The following ROBO2 variants were observed in gnomAD, a reference collection of about 807,000 sequenced individuals.
ROBO2 encodes roundabout guidance receptor 2.
ROBO2 carries 53 observed loss-of-function variants against 160.8 expected under a neutral mutation model. The ratio of observed to expected loss-of-function variants is 0.33; its 90% CI spans 0.26 to 0.41. The LOEUF (loss-of-function observed/expected upper bound fraction) is 0.41. Among genes scored for constraint, ROBO2 ranks in the 10% least tolerant of loss-of-function variants. The pLI, the probability that ROBO2 is intolerant of heterozygous loss-of-function variation, is 1.00. For synonymous variants in ROBO2, 664 were observed against 611.7 expected (o/e 1.09, Z -1.26); for missense variants, 1,577 against 1,722.4 (o/e 0.92, Z 1.49).
intron 2 of ROBO2, among the ~76,000 whole-genome samples, chr3:76,321,381 G>A (rs2072511563): frequency 6.6e-6 from 1 of 151,970 alleles, no homozygotes; most frequent in African/African-American, 2.4e-5. Context: ...TGGGCGTGGT[G>A]GCGCGCCACT....
intron 2 of ROBO2, among the ~76,000 whole-genome samples, chr3:77,257,109 G>C (rs2058469154): frequency 6.6e-6 from 1 of 152,102 alleles, no homozygotes; most frequent in African/African-American, 2.4e-5. Flanking sequence ...CAATAATTAA[G>C]AGCTATCAAA....
chr3:76,603,015 T>A (rs11923507), intron 2 of ROBO2, among the ~76,000 whole-genome samples: 9,966 of 152,000 alleles, frequency 0.066, 1,034 homozygotes, highest in African/African-American at 0.22. Flanking sequence ...CCACAAATCG[T>A]CTGAAAATCA....
intron 2 of ROBO2, among the ~76,000 whole-genome samples, chr3:77,431,529 G>A (rs575201816): frequency 3.3e-5 from 5 of 152,198 alleles, no homozygotes; most frequent in African/African-American, 9.6e-5. Flanking sequence ...TCAGCTTTTA[G>A]TGATGACCCT....
chr3:77,086,093 A>C (rs1366886922), intron 1 of ROBO2, among the ~76,000 whole-genome samples: 1 of 152,116 alleles, frequency 6.6e-6, no homozygotes, highest in African/African-American at 2.4e-5. Context: ...TTTCAGTAAA[A>C]TAGTTTAGAG....
intron 2 of ROBO2, among the ~76,000 whole-genome samples, chr3:76,139,212 C>T (rs569311920): frequency 6.6e-6 from 1 of 152,152 alleles, no homozygotes; most frequent in Admixed American, 6.6e-5. Flanking sequence ...TTTAGTATGA[C>T]TTCTTATGCT....
chr3:76,737,969 C>CA (rs1366518766), intron 2 of ROBO2, among the ~76,000 whole-genome samples: 1 of 151,578 alleles, frequency 6.6e-6, no homozygotes, highest in Non-Finnish European at 1.5e-5. Flanking sequence ...CCCACCTCTA[C>CA]AAAAAAATAC....
intron 2 of ROBO2, among the ~76,000 whole-genome samples, chr3:76,260,607 G>A (rs1453023741): frequency 6.6e-6 from 1 of 152,008 alleles, no homozygotes; most frequent in Non-Finnish European, 1.5e-5. Context: ...AAAACCGATA[G>A]TGTCAAATAT....
At chr3:77,541,747 T>G (rs77218807) in intron 6 of ROBO2, among the ~76,000 whole-genome samples, 16,111 of 152,238 alleles carry the variant, frequency 0.11, 1,124 homozygotes, top group South Asian at 0.16. Context: ...TATTACATCA[T>G]AGTTAACAAA....
At chr3:76,950,273 T>C (rs2078877514) in intron 2 of ROBO2, among the ~76,000 whole-genome samples, 1 of 152,194 alleles carries the variant, frequency 6.6e-6, no homozygotes, top group African/African-American at 2.4e-5. Context: ...AATTAGGGAA[T>C]TCTCCATCCT....
intron 2 of ROBO2, among the ~76,000 whole-genome samples, chr3:76,102,645 A>G (rs1192598382): frequency 6.6e-6 from 1 of 152,226 alleles, no homozygotes; most frequent in Admixed American, 6.5e-5. Flanking sequence ...TTTAGTGATT[A>G]TGAATACTTT....
intron 2 of ROBO2, among the ~76,000 whole-genome samples, chr3:76,070,190 T>C (rs577039484): frequency 5.0e-4 from 76 of 152,332 alleles, no homozygotes; most frequent in African/African-American, 1.7e-3. Flanking sequence ...CCTTAAACTC[T>C]GACCGCTGGT....
chr3:76,637,055 T>C (rs1319066796), intron 2 of ROBO2, among the ~76,000 whole-genome samples: 1 of 152,070 alleles, frequency 6.6e-6, no homozygotes, highest in East Asian at 1.9e-4. Flanking sequence ...ATAAGATGCC[T>C]TCACAAGAGT....
At chr3:76,223,945 T>G (rs1245569956) in intron 2 of ROBO2, among the ~76,000 whole-genome samples, 1 of 152,226 alleles carries the variant, frequency 6.6e-6, no homozygotes, top group Non-Finnish European at 1.5e-5. Flanking sequence ...TAGAAATAGC[T>G]AATATAAATA....
intron 2 of ROBO2, among the ~76,000 whole-genome samples, chr3:76,479,840 T>C (rs2079117780): frequency 6.6e-6 from 1 of 152,150 alleles, no homozygotes; most frequent in Non-Finnish European, 1.5e-5. Context: ...AAAATGTCTT[T>C]GGTGGAATTC....
At chr3:76,234,367 G>T (rs913441649) in intron 2 of ROBO2, among the ~76,000 whole-genome samples, 2 of 152,132 alleles carry the variant, frequency 1.3e-5, no homozygotes, top group Admixed American at 6.5e-5. Context: ...ATTCTTTGAG[G>T]AATCTCTAAA....
intron 2 of ROBO2, among the ~76,000 whole-genome samples, chr3:76,419,667 C>T (rs1342233891): frequency 1.3e-5 from 2 of 151,894 alleles, no homozygotes; most frequent in African/African-American, 4.8e-5. Flanking sequence ...TGTACATTGT[C>T]GTGTTTTTTT....
At chr3:76,690,032 T>A (rs1297530300) in intron 2 of ROBO2, among the ~76,000 whole-genome samples, 1 of 152,126 alleles carries the variant, frequency 6.6e-6, no homozygotes, top group East Asian at 1.9e-4. Context: ...AAGAATACAT[T>A]GCATGGCACC....
intron 2 of ROBO2, among the ~76,000 whole-genome samples, chr3:77,407,845 G>C (rs1002128325): frequency 4.6e-5 from 7 of 152,232 alleles, no homozygotes; most frequent in African/African-American, 1.7e-4. Flanking sequence ...CTTTAGTTTT[G>C]ATTTAAAAAG....
At chr3:77,534,975 A>G (rs2091997093) in intron 6 of ROBO2, among the ~76,000 whole-genome samples, 1 of 152,222 alleles carries the variant, frequency 6.6e-6, no homozygotes, top group African/African-American at 2.4e-5. Flanking sequence ...AAATAGTGCT[A>G]TAAAAAGATT....
Sources: gnomAD v4.1 joint callset for allele counts (sites outside exome capture counted in the v4.1 genomes callset) on GRCh38, gnomAD v4.1.1 for gene constraint, MANE v1.5 for transcripts, NCBI Gene and HGNC (gene_info 2026-07-23, HGNC 2026-07-21) for gene names.